Variants in STS observed in about 807,000 individuals in gnomAD.
The protein encoded by STS is steroid sulfatase, also known as steryl-sulfatase.
A neutral mutation model predicts 26.8 loss-of-function variants in STS; 7 were observed. The observed-to-expected ratio is 0.26, with a 90% CI of 0.15 to 0.49. The LOEUF is 0.49. Ranked by LOEUF, STS falls within the 20% of genes least tolerant of loss-of-function variation. The pLI is 0.98. For missense variants in STS, 434 were observed against 465.6 expected, an observed-to-expected ratio of 0.93 and a Z score of 0.63; for synonymous variants, 199 against 189.4, an observed-to-expected ratio of 1.05 and a Z score of -0.42.
At chrX:7,346,529 C>A (rs1357849892) in intron 10 of STS, among the ~76,000 whole-genome samples, 1 of 108,772 alleles carries the variant, frequency 9.2e-6, no homozygotes, top group Non-Finnish European at 1.9e-5. Context: ...TTAATCATTC[C>A]TTTTCCAGGT....
intron 7 of STS, among the ~76,000 whole-genome samples, chrX:7,293,990 G>T (rs1451834144): frequency 9.0e-6 from 1 of 111,381 alleles, no homozygotes; most frequent in Non-Finnish European, 1.9e-5. Flanking sequence ...ATTTGAGAGA[G>T]ATGGGGTAAG....
intron 2 of STS, among the ~76,000 whole-genome samples, chrX:7,233,922 T>C (rs182123573): frequency 8.9e-6 from 1 of 112,221 alleles, no homozygotes; most frequent in African/African-American, 3.2e-5. Flanking sequence ...TTTCCTCATC[T>C]GGTTGTTAAA....
At chrX:7,268,659 A>G (rs1409178633) in intron 6 of STS, among the ~76,000 whole-genome samples, 1 of 112,210 alleles carries the variant, frequency 8.9e-6, no homozygotes, top group South Asian at 3.8e-4. Flanking sequence ...ACATTATTCA[A>G]TAACTGCAGG....
intron 6 of STS, among the ~76,000 whole-genome samples, chrX:7,265,487 T>C: frequency 8.9e-6 from 1 of 112,256 alleles, no homozygotes; most frequent in South Asian, 3.7e-4. Context: ...ACAAATTTAT[T>C]GATCATGAGG....
intron 6 of STS, among the ~76,000 whole-genome samples, chrX:7,264,384 C>A (rs1177857003): frequency 1.8e-5 from 2 of 112,699 alleles, no homozygotes; most frequent in East Asian, 5.6e-4. Flanking sequence ...AGAGTTAGTG[C>A]CCGTGGTCAG....
intron 1 of STS, among the ~76,000 whole-genome samples, chrX:7,156,632 G>A (rs560656901): frequency 1.8e-5 from 2 of 111,957 alleles, no homozygotes; most frequent in African/African-American, 6.5e-5. Context: ...AAACTAGGAT[G>A]CCAGTTAAAG....
chrX:7,260,001 G>A (rs1184066992), intron 6 of STS, among the ~76,000 whole-genome samples: 1 of 111,222 alleles, frequency 9.0e-6, no homozygotes, highest in Non-Finnish European at 1.9e-5. Context: ...TCAGCCTCCT[G>A]AGTAGCTGGA....
intron 2 of STS, among the ~76,000 whole-genome samples, chrX:7,211,968 G>T (rs760749903): frequency 8.9e-6 from 1 of 111,993 alleles, no homozygotes; most frequent in East Asian, 2.8e-4. Flanking sequence ...CTTCCTTTCG[G>T]GACTTCCTGC....
chrX:7,307,320 T>C (rs1434142318), intron 8 of STS, among the ~76,000 whole-genome samples: 1 of 111,687 alleles, frequency 9.0e-6, no homozygotes, highest in Non-Finnish European at 1.9e-5. Flanking sequence ...AGTGGAAACA[T>C]GTATTCCTAA....
chrX:7,186,503 AT>A (rs1427819325), intron 1 of STS, among the ~76,000 whole-genome samples: 2 of 111,476 alleles, frequency 1.8e-5, no homozygotes, highest in Non-Finnish European at 3.8e-5. Flanking sequence ...AGTCCTGCTA[AT>A]ATCCCCCTGA....
At chrX:7,242,564 C>T (rs1922674931) in intron 2 of STS, among the ~76,000 whole-genome samples, 1 of 109,927 alleles carries the variant, frequency 9.1e-6, no homozygotes, top group Non-Finnish European at 1.9e-5. Context: ...CACGCCACTG[C>T]ACTCCAGCCT....
chrX:7,351,631 C>T lies in STS; in HGVS notation c.*1370C>T, dbSNP rs988138786. The T allele has an allele frequency of 2.7e-5, 3 of 111,950 alleles. No individual in the cohort carries two copies. The highest frequency in any genetic ancestry group is 5.6e-5 in the Non-Finnish European group (3 of 53,234). 9.2% of individuals were successfully genotyped at this position (111,950 alleles called of 1,213,427 possible). A position where few individuals can be genotyped will look rare whatever the true frequency, so the allele number is the denominator to read the frequency against. ...CAAAATCGAGAGAAGCTGCCATCCA[C>T]CTGCTTATGCATTTATCTCTTTTGT... On this transcript the variant is annotated 3_prime_UTR_variant, in exon 11 of 11. Transcript: ENST00000674429.
At chrX:7,187,207 G>A (rs1242004009) in intron 1 of STS, among the ~76,000 whole-genome samples, 2 of 112,058 alleles carry the variant, frequency 1.8e-5, no homozygotes, top group African/African-American at 6.5e-5. Flanking sequence ...CAAATTCTCG[G>A]CACCATACTC....
At chrX:7,207,615 T>C (rs1408028973) in intron 2 of STS, among the ~76,000 whole-genome samples, 2 of 112,271 alleles carry the variant, frequency 1.8e-5, no homozygotes, top group Non-Finnish European at 3.8e-5. Context: ...GGTTTCACCA[T>C]ATAGTACAAT....
intron 6 of STS, among the ~76,000 whole-genome samples, chrX:7,268,709 A>G (rs774500276): frequency 9.0e-6 from 1 of 111,531 alleles, no homozygotes; most frequent in Non-Finnish European, 1.9e-5. Flanking sequence ...GGCCTATGGG[A>G]TATGTATTTA....
At chrX:7,181,751 G>A (rs191373410) in intron 1 of STS, among the ~76,000 whole-genome samples, 145 of 112,016 alleles carry the variant, frequency 1.3e-3, no homozygotes, top group Non-Finnish European at 2.4e-3. Context: ...TGTTCTATGG[G>A]TAGATATTGC....
At chrX:7,203,992 G>T (rs915667078) in intron 2 of STS, among the ~76,000 whole-genome samples, 2 of 111,013 alleles carry the variant, frequency 1.8e-5, no homozygotes, top group East Asian at 5.6e-4. Context: ...GCCATCTTGC[G>T]CAGGCTGCTC....
chrX:7,302,737 C>T (rs1926026444), intron 7 of STS, among the ~76,000 whole-genome samples: 1 of 112,012 alleles, frequency 8.9e-6, no homozygotes, highest in African/African-American at 3.2e-5. Flanking sequence ...TTCTCCTTCC[C>T]CTTTTCGGGA....
At chrX:7,171,698 C>T (rs1187574213) in intron 1 of STS, among the ~76,000 whole-genome samples, 2 of 111,074 alleles carry the variant, frequency 1.8e-5, no homozygotes, top group Admixed American at 9.6e-5. Context: ...GTACTCCTGA[C>T]GACTGCCCAG....
Sources: allele counts gnomAD v4.1 joint callset (sites outside exome capture counted in the v4.1 genomes callset), GRCh38; gene constraint gnomAD v4.1.1; transcripts MANE v1.5; gene names NCBI Gene and HGNC (gene_info 2026-07-23, HGNC 2026-07-21).